Variants in SPRED2 observed in about 807,000 individuals in gnomAD.
SPRED2 encodes sprouty-related, EVH1 domain-containing protein 2.
SPRED2 carries 47 observed loss-of-function variants against 43.0 expected under a neutral mutation model. The ratio of observed to expected loss-of-function variants is 1.09; its 90% CI spans 0.87 to 1.40. The LOEUF (loss-of-function observed/expected upper bound fraction) is 1.40. SPRED2 is among the 40% of genes most tolerant of loss of function. The pLI is 0.00. For missense variants in SPRED2, 561 were observed against 586.4 expected, an observed-to-expected ratio of 0.96 and a Z score of 0.45; for synonymous variants, 225 against 225.7, an observed-to-expected ratio of 1.00 and a Z score of 0.03.
At chr2:65,341,018 TATC>T (rs1487418524) in intron 2 of SPRED2, among the ~76,000 whole-genome samples, 1 of 148,142 alleles carries the variant, frequency 6.8e-6, no homozygotes, top group Non-Finnish European at 1.5e-5. Flanking sequence ...AAGGAAGAGT[TATC>T]ATATCTCTAA....
intron 1 of SPRED2, among the ~76,000 whole-genome samples, chr2:65,346,238 A>T (rs1035535341): frequency 6.6e-6 from 1 of 151,690 alleles, no homozygotes; most frequent in Non-Finnish European, 1.5e-5. Flanking sequence ...CTCACCCTCC[A>T]CTGCCACCCA....
At chr2:65,341,097 G>C (rs1674167730) in intron 2 of SPRED2, among the ~76,000 whole-genome samples, 1 of 100,004 alleles carries the variant, frequency 1.0e-5, no homozygotes, top group African/African-American at 4.1e-5. Flanking sequence ...GGGAGACTGG[G>C]TACGGGCGTG....
Position 65,419,760 on chromosome 2 carries a change from C to T in SPRED2, c.26+12202G>A, listed in dbSNP as rs1279204024. ...TAATACATATGCTTGGGAGACATTA[C>T]GTATTTGGTTCACAAACAATGCATG... On this transcript the variant is annotated intron_variant, in intron 1 of 5. Transcript: ENST00000356388. Among the ~76,000 whole-genome samples, 13 of 152,218 alleles carry T rather than the reference C, an allele frequency of 8.5e-5. No individual in the cohort carries two copies. In the South Asian group the frequency reaches 2.1e-3, roughly 24 times the overall value.
chr2:65,403,971 G>T (rs531696532), intron 1 of SPRED2, among the ~76,000 whole-genome samples: 1 of 152,150 alleles, frequency 6.6e-6, no homozygotes. Flanking sequence ...TTGGGAGGCC[G>T]AGGCAGGTGG....
Position 65,432,312 on chromosome 2 carries a change from A to C in SPRED2, c.-325T>G. On this transcript the variant is annotated 5_prime_UTR_variant, in exon 1 of 6. Coordinates refer to ENST00000356388, the MANE Select transcript of SPRED2 (RefSeq NM_181784.3). ...GGTGGGGGAGAGCAGGAGAAAAACA[A>C]GCGCGCCTCGGAGCGGCAGGGACTG... The C allele has an allele frequency of 8.3e-6, 2 of 241,806 alleles. No individual in the cohort carries two copies. Among genetic ancestry groups the C allele is most frequent in the Non-Finnish European group, 1.6e-5 (2 of 124,698 alleles). 15.0% of individuals were successfully genotyped at this position (241,806 alleles called of 1,614,324 possible). A position where few individuals can be genotyped will look rare whatever the true frequency, so the allele number is the denominator to read the frequency against.
intron 1 of SPRED2, among the ~76,000 whole-genome samples, chr2:65,415,827 G>C (rs1324661592): frequency 6.6e-6 from 1 of 151,570 alleles, no homozygotes; most frequent in South Asian, 2.1e-4. Flanking sequence ...ACATCCATTT[G>C]GTATATGCCT....
At chr2:65,321,000 G>A (rs1673392194) in intron 4 of SPRED2, among the ~76,000 whole-genome samples, 1 of 152,188 alleles carries the variant, frequency 6.6e-6, no homozygotes, top group Non-Finnish European at 1.5e-5. Context: ...CAATCTGAAA[G>A]CTGTCACCTT....
chr2:65,401,930 C>T (rs751630150), intron 1 of SPRED2, among the ~76,000 whole-genome samples: 4 of 101,378 alleles, frequency 3.9e-5, no homozygotes, highest in East Asian at 2.7e-4. Context: ...AATATTAGCG[C>T]GCGCGCGCAC....
rs763670789 is a variant in SPRED2, at chr2:65,344,676, A to G, written c.204+43T>C. The stretch of plus-strand genomic sequence containing the variant: ...GACTATGATTTAACGTAAAGAAAGC[A>G]GTTGTTACTAATTTAACCCACGAGT... On this transcript the variant is annotated intron_variant, in intron 2 of 5. Transcript: ENST00000356388. The G allele has an allele frequency of 1.5e-5, 24 of 1,602,868 alleles. No individual in the cohort carries two copies. The African/African-American group carries it at 2.4e-4, about 16-fold the overall frequency.
intron 1 of SPRED2, 33 bp from the exon 2 acceptor site, chr2:65,344,929 G>A: frequency 6.3e-7 from 1 of 1,595,264 alleles, no homozygotes; most frequent in Non-Finnish European, 8.6e-7. Flanking sequence ...CACAGGGCAT[G>A]ACAATGGTCT....
At chr2:65,406,455 T>C (rs1194667489) in intron 1 of SPRED2, among the ~76,000 whole-genome samples, 2 of 152,236 alleles carry the variant, frequency 1.3e-5, no homozygotes, top group Non-Finnish European at 2.9e-5. Context: ...TATCCACTCA[T>C]GTCTGTGCAC....
At chr2:65,348,802 A>AG (rs1190898357) in intron 1 of SPRED2, among the ~76,000 whole-genome samples, 1 of 152,004 alleles carries the variant, frequency 6.6e-6, no homozygotes, top group African/African-American at 2.4e-5. Flanking sequence ...TAAAAAAAAA[A>AG]AAAATCTATG....
At chr2:65,413,837 T>C (rs1676216371) in intron 1 of SPRED2, among the ~76,000 whole-genome samples, 2 of 152,234 alleles carry the variant, frequency 1.3e-5, no homozygotes, top group African/African-American at 2.4e-5. Flanking sequence ...CTACTGAACA[T>C]ACAGACTGCC....
downstream of SPRED2, among the ~76,000 whole-genome samples, chr2:65,307,465 G>C (rs1288013356): frequency 6.6e-6 from 1 of 151,350 alleles, no homozygotes; most frequent in Admixed American, 6.6e-5. Context: ...CAAAGTGTTG[G>C]GATTACAGGT....
chr2:65,361,733 C>T (rs1218419329), intron 1 of SPRED2, among the ~76,000 whole-genome samples: 1 of 152,214 alleles, frequency 6.6e-6, no homozygotes, highest in Admixed American at 6.5e-5. Context: ...TTCTTTGGAA[C>T]AGGTTCCAGC....
chr2:65,317,951 G>A (rs1038795633), intron 4 of SPRED2, among the ~76,000 whole-genome samples: 2 of 152,034 alleles, frequency 1.3e-5, no homozygotes, highest in Admixed American at 1.3e-4. Context: ...CTATCAGTGC[G>A]CACTGTACAA....
intron 1 of SPRED2, among the ~76,000 whole-genome samples, chr2:65,393,419 C>T (rs1317910481): frequency 6.6e-6 from 1 of 151,478 alleles, no homozygotes; most frequent in Non-Finnish European, 1.5e-5. Context: ...GCAACCTTCA[C>T]CTCCCGGGTT....
At chr2:65,404,452 C>G (rs917899202) in intron 1 of SPRED2, among the ~76,000 whole-genome samples, 1 of 152,208 alleles carries the variant, frequency 6.6e-6, no homozygotes, top group Non-Finnish European at 1.5e-5. Context: ...CTCCTCTCAT[C>G]TCTTTATTGG....
chr2:65,418,593 G>T (rs1676343539), intron 1 of SPRED2, among the ~76,000 whole-genome samples: 1 of 149,882 alleles, frequency 6.7e-6, no homozygotes, highest in Admixed American at 6.7e-5. Context: ...TCACTTTGTT[G>T]CCCGGGCTGG....
Sources: gnomAD v4.1 joint callset for allele counts (sites outside exome capture counted in the v4.1 genomes callset) on GRCh38, gnomAD v4.1.1 for gene constraint, MANE v1.5 for transcripts, NCBI Gene and HGNC (gene_info 2026-07-23, HGNC 2026-07-21) for gene names.